ALK: variants seen among roughly 807,000 people sequenced by gnomAD.
ALK encodes ALK tyrosine kinase receptor.
In ALK, 74 loss-of-function variants were observed where a neutral mutation model predicts 163.1. The ratio of observed to expected loss-of-function variants is 0.45; its 90% CI spans 0.38 to 0.55. The LOEUF is 0.55. ALK is among the 20% of genes least tolerant of loss of function. ALK has a pLI of 0.00. For synonymous variants in ALK, 960 were observed against 843.2 expected (o/e 1.14, Z -2.40); for missense variants, 2,063 against 2,105.3 (o/e 0.98, Z 0.39).
At position 29,920,926 on chromosome 2, in the gene ALK, C is replaced by T; in HGVS notation, c.-267G>A. On this transcript the variant is annotated 5_prime_UTR_variant, in exon 1 of 29. Coordinates refer to ENST00000389048, the MANE Select transcript of ALK (RefSeq NM_004304.5). ...GCTCACTGGCTGGGACCTTGAGCCT[C>T]CCGCTCTCCGCGCCGAGTGCCGCGC... The T allele has an allele frequency of 3.9e-6, 2 of 517,274 alleles. No individual in the cohort carries two copies. Among genetic ancestry groups the T allele is most frequent in the Non-Finnish European group, 6.9e-6 (2 of 289,796 alleles). The allele number at this position is 517,274 out of a possible 1,614,324, so 32.0% of individuals were successfully genotyped here.
At chr2:29,638,619 C>A (rs1303237763) in intron 3 of ALK, among the ~76,000 whole-genome samples, 1 of 152,136 alleles carries the variant, frequency 6.6e-6, no homozygotes, top group Non-Finnish European at 1.5e-5. Context: ...TCTCTTCTGC[C>A]TGCCTGTTAG....
intron 1 of ALK, among the ~76,000 whole-genome samples, chr2:29,853,660 A>G (rs1049208816): frequency 2.6e-5 from 4 of 152,130 alleles, no homozygotes; most frequent in Non-Finnish European, 4.4e-5. Context: ...TGCCAACTCA[A>G]ACCTCATCAA....
At chr2:29,372,685 C>G (rs977315504) in intron 5 of ALK, among the ~76,000 whole-genome samples, 4 of 152,248 alleles carry the variant, frequency 2.6e-5, no homozygotes, top group Non-Finnish European at 5.9e-5. Flanking sequence ...CCAAATGACT[C>G]AGGATTCAAG....
chr2:29,663,703 T>TA (rs1218897127), intron 3 of ALK, among the ~76,000 whole-genome samples: 7 of 151,458 alleles, frequency 4.6e-5, no homozygotes, highest in Non-Finnish European at 1.0e-4. Flanking sequence ...GTTCAATGTT[T>TA]AAAAAAAAAG....
chr2:29,300,654 C>T (rs1666343956), intron 8 of ALK, among the ~76,000 whole-genome samples: 1 of 151,904 alleles, frequency 6.6e-6, no homozygotes, highest in African/African-American at 2.4e-5. Flanking sequence ...ACAAAGGAAC[C>T]CCAAAAGCCC....
chr2:29,222,844 G>A (rs752588851), intron 20 of ALK, among the ~76,000 whole-genome samples: 23 of 152,218 alleles, frequency 1.5e-4, no homozygotes, highest in African/African-American at 3.9e-4. Flanking sequence ...ATGGTCAAAT[G>A]TTTATTCATT....
chr2:29,518,862 G>A (rs1168328193), intron 4 of ALK, among the ~76,000 whole-genome samples: 1 of 152,198 alleles, frequency 6.6e-6, no homozygotes, highest in Non-Finnish European at 1.5e-5. Flanking sequence ...ATAGGAGAAG[G>A]AACTATCATG....
chr2:29,240,172 G>A (rs1264487555), intron 12 of ALK, among the ~76,000 whole-genome samples: 1 of 151,442 alleles, frequency 6.6e-6, no homozygotes, highest in East Asian at 1.9e-4. Flanking sequence ...GAGAGAGAGA[G>A]AGAGAGAGAG....
chr2:29,336,625 C>T (rs569856341), intron 5 of ALK, among the ~76,000 whole-genome samples: 1 of 152,204 alleles, frequency 6.6e-6, no homozygotes, highest in Non-Finnish European at 1.5e-5. Flanking sequence ...TGCCTCTTCC[C>T]TAATTATGCA....
At chr2:29,500,730 C>T (rs907985041) in intron 4 of ALK, among the ~76,000 whole-genome samples, 3 of 152,084 alleles carry the variant, frequency 2.0e-5, no homozygotes, top group African/African-American at 7.2e-5. Context: ...CTGTGCTGAC[C>T]CTGTCTCATC....
At chr2:29,905,953 C>T (rs752316352) in intron 1 of ALK, among the ~76,000 whole-genome samples, 19 of 152,218 alleles carry the variant, frequency 1.2e-4, no homozygotes, top group Non-Finnish European at 1.6e-4. Flanking sequence ...GTCTTCTCAT[C>T]TCAGAGAAGG....
At chr2:29,201,172 A>G (rs144856592) in intron 26 of ALK, among the ~76,000 whole-genome samples, 30 of 152,244 alleles carry the variant, frequency 2.0e-4, no homozygotes, top group African/African-American at 7.2e-4. Flanking sequence ...CCAAAAATTA[A>G]TATCTTTAAA....
chr2:29,569,108 C>T (rs1285728240), intron 3 of ALK, among the ~76,000 whole-genome samples: 1 of 152,162 alleles, frequency 6.6e-6, no homozygotes, highest in Non-Finnish European at 1.5e-5. Context: ...GCCCCACCAG[C>T]AAGCCCTCTG....
At chr2:29,552,162 G>GT (rs1673731149) in intron 3 of ALK, among the ~76,000 whole-genome samples, 1 of 152,124 alleles carries the variant, frequency 6.6e-6, no homozygotes, top group Admixed American at 6.5e-5. Flanking sequence ...ATGTTTTCAA[G>GT]TTCATCTATT....
chr2:29,353,256 C>T (rs1242115509), intron 5 of ALK, among the ~76,000 whole-genome samples: 1 of 152,200 alleles, frequency 6.6e-6, no homozygotes, highest in East Asian at 1.9e-4. Flanking sequence ...CCCATGTCCT[C>T]CATCAGGCCC....
intron 3 of ALK, among the ~76,000 whole-genome samples, chr2:29,613,790 G>C (rs1675761983): frequency 6.6e-6 from 1 of 152,212 alleles, no homozygotes; most frequent in South Asian, 2.1e-4. Flanking sequence ...TGCCAGATGT[G>C]ATTATCAAGA....
Position 29,695,010 on chromosome 2 carries a change from C to T in ALK, c.792G>A (p.Leu264=), listed in dbSNP as rs747847333. The stretch of plus-strand genomic sequence containing the variant: ...CACAGGGGAAGTCAAAGCTGCACTC[C>T]AGACCTGCAATAATAGCCAAGGGTC... The part of the protein sequence containing the change: ...PFLSHRSRYG[L]ECSFDFPCEL... Residue 264 remains leucine (L), a synonymous_variant, in exon 3 of 29, where the codon CTG becomes CTA. Coordinates refer to ENST00000389048, the MANE Select transcript of ALK (RefSeq NM_004304.5). The T allele has an allele frequency of 6.2e-7, 1 of 1,614,078 alleles. No homozygotes were observed. Among genetic ancestry groups the T allele is most frequent in the Non-Finnish European group, 8.5e-7 (1 of 1,179,976 alleles).
intron 3 of ALK, among the ~76,000 whole-genome samples, chr2:29,566,321 G>A (rs1488792800): frequency 6.6e-6 from 1 of 152,222 alleles, no homozygotes; most frequent in Non-Finnish European, 1.5e-5. Context: ...GGGGCTGCTA[G>A]CCTGCCTCAT....
intron 3 of ALK, among the ~76,000 whole-genome samples, chr2:29,662,726 G>GT (rs11304189): frequency 1.1e-4 from 17 of 151,774 alleles, no homozygotes; most frequent in African/African-American, 3.4e-4. Flanking sequence ...TCCTCTCATT[G>GT]TTTTTTTTGC....
Sources: allele counts gnomAD v4.1 joint callset (sites outside exome capture counted in the v4.1 genomes callset), GRCh38; gene constraint gnomAD v4.1.1; transcripts MANE v1.5; gene names NCBI Gene and HGNC (gene_info 2026-07-23, HGNC 2026-07-21).